The following SUPV3L1 variants were observed in gnomAD, a reference collection of about 807,000 sequenced individuals.
The protein encoded by SUPV3L1 is Suv3 like RNA helicase, also known as ATP-dependent RNA helicase SUPV3L1, mitochondrial.
A neutral mutation model predicts 70.0 loss-of-function variants in SUPV3L1; 35 were observed. That is an observed-to-expected ratio of 0.50 (90% CI 0.38 to 0.66). The LOEUF (loss-of-function observed/expected upper bound fraction) is 0.66. Among genes scored for constraint, SUPV3L1 ranks in the 30% least tolerant of loss-of-function variants. The pLI, the probability that SUPV3L1 is intolerant of heterozygous loss-of-function variation, is 0.00. For missense variants in SUPV3L1, 777 were observed against 961.5 expected, an observed-to-expected ratio of 0.81 and a Z score of 2.54; for synonymous variants, 364 against 341.9, an observed-to-expected ratio of 1.06 and a Z score of -0.71.
chr10:69,208,894 A>G lies in SUPV3L1; in HGVS notation c.2220A>G (p.Gln740=). 1 of 1,614,112 alleles carries G rather than the reference A, an allele frequency of 6.2e-7. No homozygotes were observed. The highest frequency in any genetic ancestry group is 1.1e-5 in the South Asian group (1 of 91,078). The change falls in exon 15 of 15, where the codon CAA becomes CAG. Residue 740 remains glutamine, a synonymous_variant. Transcript: ENST00000359655. The part of the protein sequence containing the change: ...ELSLASRLVQ[Q]GLLTPDMLKQ... Reference sequence around the variant, plus strand: ...CCCTTGCTTCCAGATTGGTGCAGCAAGGACTCCTCACTCCAGACATGCTGA... The same window carrying G: ...CCCTTGCTTCCAGATTGGTGCAGCAGGGACTCCTCACTCCAGACATGCTGA...
intron 1 of SUPV3L1, chr10:69,182,454 A>G: frequency 1.1e-6 from 1 of 885,434 alleles, no homozygotes; most frequent in Non-Finnish European, 1.4e-6. Context: ...TGAAGGCATA[A>G]GGTAATTTGG....
At chr10:69,185,024 T>C (rs1250677760) in intron 1 of SUPV3L1, among the ~76,000 whole-genome samples, 1 of 152,212 alleles carries the variant, frequency 6.6e-6, no homozygotes, top group Non-Finnish European at 1.5e-5. Flanking sequence ...CTAAGATTAT[T>C]GATTCATAGT....
chr10:69,184,768 A>C (rs1361789992), intron 1 of SUPV3L1, among the ~76,000 whole-genome samples: 1 of 152,028 alleles, frequency 6.6e-6, no homozygotes, highest in African/African-American at 2.4e-5. Context: ...TGATTTCTTC[A>C]ATGAGTGTTG....
At chr10:69,183,676 C>CCT (rs1842133268) in intron 1 of SUPV3L1, among the ~76,000 whole-genome samples, 1 of 152,030 alleles carries the variant, frequency 6.6e-6, no homozygotes, top group Non-Finnish European at 1.5e-5. Context: ...GAGTGAGACC[C>CCT]TGTCTCAAAT....
chr10:69,181,875 G>T (rs532974746), intron 1 of SUPV3L1, among the ~76,000 whole-genome samples: 8 of 152,074 alleles, frequency 5.3e-5, no homozygotes, highest in African/African-American at 1.9e-4. Context: ...TCTTGGAGAA[G>T]ACATTCAAAC....
Position 69,180,240 on chromosome 10 carries a change from G to A in SUPV3L1, c.-52G>A, listed in dbSNP as rs750078623. ...GCAGGCGCTGGAGGTGCGCGTCACT[G>A]TCCGCCGCCGTGTCCGCGGCTGCGC... On this transcript the variant is annotated 5_prime_UTR_variant, in exon 1 of 15. Coordinates refer to ENST00000359655, the MANE Select transcript of SUPV3L1 (RefSeq NM_003171.5). 6.9e-5 allele frequency: 109 copies of A among 1,575,240 alleles called. No individual in the cohort carries two copies. The highest frequency in any genetic ancestry group is 9.2e-5 in the Non-Finnish European group (107 of 1,160,282).
At chr10:69,188,747 C>T (rs1045240815) in intron 4 of SUPV3L1, among the ~76,000 whole-genome samples, 8 of 152,174 alleles carry the variant, frequency 5.3e-5, no homozygotes, top group African/African-American at 1.9e-4. Context: ...GATCCTCCTG[C>T]CTTGACCTCC....
chr10:69,202,579 G>A, intron 12 of SUPV3L1, 60 bp downstream of exon 12: 1 of 1,471,496 alleles, frequency 6.8e-7, no homozygotes, highest in Admixed American at 1.8e-5. Context: ...GGTGATTACT[G>A]GTTAACCTCA....
intron 2 of SUPV3L1, 99 bp from the exon 3 acceptor site, chr10:69,186,344 A>AAT: frequency 6.4e-5 from 30 of 469,194 alleles, no homozygotes; most frequent in Non-Finnish European, 9.8e-5. Flanking sequence ...AAAAAAAAAA[A>AAT]GAAAAAAAAA....
rs11434528 is a variant in SUPV3L1 at position 69,191,232 on chromosome 10, A to ATTT, written c.742-406_742-404dup. ...TATAAAAGGGAAAAAAGCATTGGGA[A>ATTT]TTTTTTTTTTTTTTTTTTTGAGACA... On this transcript the variant is annotated intron_variant, in intron 5 of 14. Coordinates refer to ENST00000359655, the MANE Select transcript of SUPV3L1 (RefSeq NM_003171.5). Among the ~76,000 whole-genome samples, 366 of 130,142 alleles carry ATTT rather than the reference A, an allele frequency of 2.8e-3. 6 individuals are homozygous for ATTT. The highest frequency in any genetic ancestry group is 4.1e-3 in the Non-Finnish European group (258 of 63,224). The allele number at this position is 130,142 out of a possible 152,430, so 85.4% of individuals were successfully genotyped here.
Position 69,180,434 on chromosome 10 carries a change from C to G in SUPV3L1, c.143C>G (p.Ala48Gly), listed in dbSNP as rs753829450. Residue 48 changes from alanine (A) to glycine (G), a missense_variant, in exon 1 of 15, where the codon GCC becomes GGC. Around this residue, in one of 2 missense-constraint regions of SUPV3L1, gnomAD observed 158 missense variants for 138.3 expected, o/e 1.14. Transcript: ENST00000359655. ...VLGQVSVLAT[A>G]SSSASGGSKI... ...GGGCAAGTTTCTGTCCTTGCCACCG[C>G]CTCCTCCTCTGCCTCCGGTGGCTCC... is the stretch of plus-strand genomic sequence containing the variant. The G allele has an allele frequency of 6.2e-7, 1 of 1,614,282 alleles. No individual in the cohort carries two copies. Among genetic ancestry groups the G allele is most frequent in the East Asian group, 2.2e-5 (1 of 44,888 alleles).
chr10:69,200,595 A>G, intron 11 of SUPV3L1, 96 bp downstream of exon 11: 1 of 1,088,774 alleles, frequency 9.2e-7, no homozygotes. Flanking sequence ...ACATTTCTGG[A>G]TACAGACATA....
chr10:69,189,293 G>A lies in SUPV3L1; in HGVS notation c.599G>A (p.Arg200Gln), dbSNP rs1025334579. 3.7e-6 allele frequency: 6 copies of A among 1,613,648 alleles called. No individual in the cohort carries two copies. Among genetic ancestry groups the A allele is most frequent in the African/African-American group, 1.3e-5 (1 of 74,894 alleles). ...TACCCAGATGCTAGAGCCATGCAGC[G>A]GAAGATAATATTTCATTCAGGCCCC... ...NWYPDARAMQ[R>Q]KIIFHSGPTN... Residue 200 changes from arginine to glutamine, a missense_variant, in exon 5 of 15, where the codon CGG (arginine) becomes CAG (glutamine). Around this residue, in one of 2 missense-constraint regions of SUPV3L1, gnomAD observed 619 missense variants for 823.3 expected, o/e 0.75. Coordinates refer to ENST00000359655, the MANE Select transcript of SUPV3L1 (RefSeq NM_003171.5).
chr10:69,194,437 C>T (rs1270059870), intron 6 of SUPV3L1, among the ~76,000 whole-genome samples: 11 of 151,910 alleles, frequency 7.2e-5, no homozygotes, highest in South Asian at 2.1e-4. Flanking sequence ...CTGCAGGCTC[C>T]GCCTCCCGGG....
intron 2 of SUPV3L1, 107 bp from the exon 3 acceptor site, chr10:69,186,336 A>G (rs1842230386): frequency 7.9e-6 from 5 of 634,564 alleles, no homozygotes; most frequent in East Asian, 3.1e-5. Context: ...AAAAAAAAAA[A>G]AAAAAAAAGA....
rs555099227 is a variant in SUPV3L1, at chr10:69,180,249, C to T, written c.-43C>T. 6.7e-5 allele frequency: 106 copies of T among 1,585,154 alleles called. 1 individual carries two copies. The South Asian group carries it at 1.1e-3, about 17-fold the overall frequency. ...GGAGGTGCGCGTCACTGTCCGCCGC[C>T]GTGTCCGCGGCTGCGCCAGACAGTG... On this transcript the variant is annotated 5_prime_UTR_variant, in exon 1 of 15. Transcript: ENST00000359655.
intron 14 of SUPV3L1, 56 bp from the exon 15 acceptor site, chr10:69,208,544 T>A (rs1842896105): frequency 1.3e-6 from 2 of 1,533,762 alleles, no homozygotes; most frequent in Admixed American, 3.6e-5. Flanking sequence ...CATTGAGAGT[T>A]GTCCAGTGAC....
rs1275351539 is a variant in SUPV3L1 at position 69,202,518 on chromosome 10, T to C, written c.1598T>C (p.Ile533Thr). ...HLPDATLSNL[I>T]DIFVDFSQVD... is the part of the protein sequence containing the mutation. ...CCTGATGCAACACTGTCCAATCTCA[T>C]TGTAAGTGGAAACTCCCTTTCACAT... Residue 533 changes from isoleucine (I) to threonine (T), a missense_variant and splice_region_variant, in exon 12 of 15, where the codon ATT becomes ACT. Coordinates refer to ENST00000359655, the MANE Select transcript of SUPV3L1 (RefSeq NM_003171.5). The C allele has an allele frequency of 2.5e-6, 4 of 1,610,846 alleles. No individual in the cohort carries two copies. The South Asian group carries it at 3.3e-5, about 13-fold the overall frequency.
At chr10:69,203,605 A>G (rs1842740896) in intron 13 of SUPV3L1, among the ~76,000 whole-genome samples, 1 of 146,582 alleles carries the variant, frequency 6.8e-6, no homozygotes, top group African/African-American at 2.5e-5. Flanking sequence ...CAGAGGTTGC[A>G]GTGAGCCAAG....
Sources: allele counts gnomAD v4.1 joint callset (sites outside exome capture counted in the v4.1 genomes callset), GRCh38; gene constraint gnomAD v4.1.1; regional missense constraint gnomAD v4.1.1; transcripts MANE v1.5; gene names NCBI Gene and HGNC (gene_info 2026-07-23, HGNC 2026-07-21).